PPFIA1: variants seen among roughly 807,000 people sequenced by gnomAD.
PPFIA1 encodes the protein liprin-alpha-1.
A neutral mutation model predicts 149.9 loss-of-function variants in PPFIA1; 25 were observed. The ratio of observed to expected loss-of-function variants is 0.17; its 90% CI spans 0.12 to 0.23. PPFIA1 has a LOEUF of 0.23. Ranked by LOEUF, PPFIA1 falls within the 10% of genes least tolerant of loss-of-function variation. The pLI, the probability that PPFIA1 is intolerant of heterozygous loss-of-function variation, is 1.00. For missense variants in PPFIA1, 1,362 were observed against 1,506.5 expected, an observed-to-expected ratio of 0.90 and a Z score of 1.59; for synonymous variants, 549 against 552.8, an observed-to-expected ratio of 0.99 and a Z score of 0.10.
chr11:70,355,095 G>GCTGCT (rs1224506003), intron 17 of PPFIA1, among the ~76,000 whole-genome samples: 3 of 152,058 alleles, frequency 2.0e-5, no homozygotes, highest in African/African-American at 7.2e-5. Flanking sequence ...AGTAAAGATG[G>GCTGCT]GGTTTCACCA....
At chr11:70,274,072 G>C (rs983031165) in intron 2 of PPFIA1, among the ~76,000 whole-genome samples, 57 of 152,296 alleles carry the variant, frequency 3.7e-4, no homozygotes, top group African/African-American at 1.3e-3. Context: ...ATAACATGAT[G>C]ATGCCAACGG....
At chr11:70,303,780 C>T (rs113480614) in intron 2 of PPFIA1, among the ~76,000 whole-genome samples, 3,384 of 152,126 alleles carry the variant, frequency 0.022, 138 homozygotes, top group African/African-American at 0.078. Context: ...CTGAGGCAGG[C>T]GGATCACTTG....
At chr11:70,337,537 A>G in intron 12 of PPFIA1, 110 bp downstream of exon 12, 2 of 697,024 alleles carry the variant, frequency 2.9e-6, no homozygotes, top group Middle Eastern at 2.5e-4. Flanking sequence ...TGTGGCTCTC[A>G]TAGTCCACTG....
In PPFIA1 at chr11:70,383,319, C is replaced by A. The variant is rs917424631; in HGVS notation, c.*329C>A. 4.1e-6 allele frequency: 1 copy of A among 242,812 alleles called. No homozygotes were observed. The highest frequency in any genetic ancestry group is 2.4e-5 in the African/African-American group (1 of 41,948). The allele number at this position is 242,812 out of a possible 1,614,324, so 15.0% of individuals were successfully genotyped here. Reference sequence around the variant, plus strand: ...AATTTTAGTCTTTCAAATGAATGTACTGTAATGCTTGTATGTATAAATCCT... The same window carrying A: ...AATTTTAGTCTTTCAAATGAATGTAATGTAATGCTTGTATGTATAAATCCT... On this transcript the variant is annotated 3_prime_UTR_variant, in exon 28 of 28. Transcript: ENST00000253925.
intron 2 of PPFIA1, among the ~76,000 whole-genome samples, chr11:70,292,449 C>T (rs1397039480): frequency 1.3e-5 from 2 of 152,210 alleles, no homozygotes; most frequent in Non-Finnish European, 2.9e-5. Context: ...CAGCTGGACT[C>T]GCATGTCCCC....
chr11:70,293,939 TC>T (rs2051710082), intron 2 of PPFIA1, among the ~76,000 whole-genome samples: 1 of 119,364 alleles, frequency 8.4e-6, no homozygotes, highest in African/African-American at 4.0e-5. Context: ...TCTCTCTCTC[TC>T]TCTTTTTTTT....
Position 70,343,732 on chromosome 11 carries a change from G to A in PPFIA1, c.1771G>A (p.Ala591Thr). ...AQQASVLANV[A>T]QAFESDADVS... ...GCAAGCTAGTGTCTTGGCAAATGTAGCACAAGCATTCGAGAGTGATGCTGA... is the reference window on the plus strand; with the variant it reads ...GCAAGCTAGTGTCTTGGCAAATGTAACACAAGCATTCGAGAGTGATGCTGA... The change falls in exon 15 of 28, where the codon GCA (alanine) becomes ACA (threonine). Residue 591 changes from alanine (A) to threonine (T), a missense_variant. Around this residue, in one of 7 missense-constraint regions of PPFIA1, gnomAD observed 733 missense variants for 744.1 expected, o/e 0.99. Transcript: ENST00000253925. 6.2e-7 allele frequency: 1 copy of A among 1,614,256 alleles called. No homozygotes were observed. The highest frequency in any genetic ancestry group is 8.5e-7 in the Non-Finnish European group (1 of 1,180,044).
At chr11:70,303,434 C>T (rs2052623097) in intron 2 of PPFIA1, among the ~76,000 whole-genome samples, 1 of 152,140 alleles carries the variant, frequency 6.6e-6, no homozygotes, top group African/African-American at 2.4e-5. Flanking sequence ...TAATATGAGC[C>T]TGAAAAATGC....
At chr11:70,354,126 A>G in intron 16 of PPFIA1, 175 bp from the exon 17 acceptor site, 2 of 620,034 alleles carry the variant, frequency 3.2e-6, no homozygotes, top group East Asian at 2.9e-5. Context: ...GAGTCTGACA[A>G]CTCTGTGGTG....
At chr11:70,312,305 G>A (rs1036038537) in intron 2 of PPFIA1, among the ~76,000 whole-genome samples, 3 of 151,342 alleles carry the variant, frequency 2.0e-5, no homozygotes, top group South Asian at 2.1e-4. Flanking sequence ...AGGCTCCCAC[G>A]TCAGCCCGCA....
intron 19 of PPFIA1, among the ~76,000 whole-genome samples, chr11:70,360,253 A>C (rs1330989794): frequency 1.3e-5 from 2 of 152,260 alleles, no homozygotes. Flanking sequence ...GATCATTGCC[A>C]GGAAGAGGGT....
At chr11:70,355,332 T>G (rs1033624305) in intron 17 of PPFIA1, among the ~76,000 whole-genome samples, 2 of 152,264 alleles carry the variant, frequency 1.3e-5, no homozygotes, top group Non-Finnish European at 2.9e-5. Context: ...AGTAGAGTAA[T>G]GCTCAGGGCG....
At chr11:70,350,541 G>T (rs1006991714) in intron 16 of PPFIA1, among the ~76,000 whole-genome samples, 3 of 152,082 alleles carry the variant, frequency 2.0e-5, no homozygotes, top group African/African-American at 7.2e-5. Flanking sequence ...TCAAATTCTA[G>T]GTAAGGATTT....
intron 2 of PPFIA1, among the ~76,000 whole-genome samples, chr11:70,295,689 ACCC>A (rs1184698522): frequency 9.2e-6 from 1 of 109,260 alleles, no homozygotes; most frequent in Non-Finnish European, 1.8e-5. Context: ...CCGGGGGCTG[ACCC>A]CCCCCACCTC....
Position 70,295,122 on chromosome 11 carries a change from T to G in PPFIA1, c.264+22686T>G, listed in dbSNP as rs544867031. Among the ~76,000 whole-genome samples the G allele has an allele frequency of 3.6e-3, 542 of 148,722 alleles. 12 individuals are homozygous for G. Among genetic ancestry groups the G allele is most frequent in the African/African-American group, 0.013 (518 of 38,864 alleles). ...GGCAGAGGGGCTCCTTACTTCCCAG[T>G]AGGGGCGGCCGGGCAGAGGCGCTCC... On this transcript the variant is annotated intron_variant, in intron 2 of 27. Transcript: ENST00000253925.
chr11:70,379,457 C>CA (rs546276253), intron 26 of PPFIA1, among the ~76,000 whole-genome samples: 24,091 of 138,430 alleles, frequency 0.17, 2,417 homozygotes, highest in African/African-American at 0.28. Flanking sequence ...GACTCTGTCT[C>CA]AAAAAAAAAA....
chr11:70,317,551 C>T (rs2053707165), intron 2 of PPFIA1, among the ~76,000 whole-genome samples: 1 of 151,980 alleles, frequency 6.6e-6, no homozygotes, highest in Non-Finnish European at 1.5e-5. Context: ...ATAGAAATTC[C>T]CTGTATTCTC....
intron 21 of PPFIA1, chr11:70,365,922 C>G (rs2056906880): frequency 2.2e-6 from 1 of 456,438 alleles, no homozygotes; most frequent in South Asian, 1.5e-5. Flanking sequence ...CTTTTGCATT[C>G]CTAACCACGT....
At chr11:70,275,581 A>G (rs1425537900) in intron 2 of PPFIA1, among the ~76,000 whole-genome samples, 1 of 152,092 alleles carries the variant, frequency 6.6e-6, no homozygotes, top group African/African-American at 2.4e-5. Context: ...GACTTTGTTT[A>G]TGGTATGCGA....
Sources: allele counts gnomAD v4.1 joint callset (sites outside exome capture counted in the v4.1 genomes callset), GRCh38; gene constraint gnomAD v4.1.1; regional missense constraint gnomAD v4.1.1; transcripts MANE v1.5; gene names NCBI Gene and HGNC (gene_info 2026-07-23, HGNC 2026-07-21).